Variants in TCEA2 observed in about 807,000 individuals in gnomAD.
The protein encoded by TCEA2 is transcription elongation factor A protein 2.
Under a neutral mutation model 40.8 loss-of-function variants are expected in TCEA2, and 21 were observed. That is an observed-to-expected ratio of 0.51 (90% confidence interval 0.36 to 0.74). TCEA2 has a LOEUF of 0.74. Ranked by LOEUF, TCEA2 falls within the 30% of genes least tolerant of loss-of-function variation. The pLI, the probability that TCEA2 is intolerant of heterozygous loss-of-function variation, is 0.00. For missense variants in TCEA2, 326 were observed against 426.5 expected, an observed-to-expected ratio of 0.76 and a Z score of 2.08; for synonymous variants, 165 against 162.7, an observed-to-expected ratio of 1.01 and a Z score of -0.11.
intron 6 of TCEA2, chr20:64,070,027 G>A: frequency 1.1e-6 from 1 of 878,212 alleles, no homozygotes; most frequent in Non-Finnish European, 1.8e-6. Flanking sequence ...CTGCTTGTGG[G>A]GCCTAGGTCC....
At chr20:64,062,052 A>G (rs907635113), upstream of TCEA2, among the ~76,000 whole-genome samples, 4 of 152,224 alleles carry the variant, frequency 2.6e-5, 1 homozygote, top group Admixed American at 1.3e-4. Context: ...TTAACTGACC[A>G]TATTTTCCTT....
intron 4 of TCEA2, among the ~76,000 whole-genome samples, chr20:64,068,552 T>C (rs1453051122): frequency 1.3e-5 from 2 of 152,244 alleles, no homozygotes; most frequent in African/African-American, 2.4e-5. Context: ...CCTCCTGCCC[T>C]GCATGTGCAC....
rs2059798246 is a variant in TCEA2, at chr20:64,070,253, C to T, written c.518-7C>T. ...TGTCCTCAGGTGGGTCCTTAAAACA[C>T]TTGCACGCATCTTCCGGGACGTTGG... On this transcript the variant is annotated splice_region_variant and splice_polypyrimidine_tract_variant and intron_variant, in intron 6 of 9. Transcript: ENST00000343484. The T allele has an allele frequency of 6.2e-7, 1 of 1,613,894 alleles. No individual in the cohort carries two copies. The highest frequency in any genetic ancestry group is 8.5e-7 in the Non-Finnish European group (1 of 1,179,912).
chr20:64,068,757 A>T (rs918900713), intron 4 of TCEA2, among the ~76,000 whole-genome samples: 2 of 152,256 alleles, frequency 1.3e-5, no homozygotes, highest in East Asian at 1.9e-4. Flanking sequence ...TGCTTCTGCC[A>T]ACTTCCACAG....
At chr20:64,059,060 G>A (rs935466389), upstream of TCEA2, among the ~76,000 whole-genome samples, 3 of 152,120 alleles carry the variant, frequency 2.0e-5, no homozygotes, top group African/African-American at 7.2e-5. Flanking sequence ...GGGTGTGGTG[G>A]CGCATGCCTG....
rs551294966 is a variant in TCEA2 at position 64,071,313 on chromosome 20, T to A, written c.820-557T>A. On this transcript the variant is annotated intron_variant, in intron 8 of 9. Transcript: ENST00000343484. ...CAGTGAGTCCAGATCGTGCCACTGC[T>A]CTCCAGCCTGGGCGACAGAGCGAGA... Among the ~76,000 whole-genome samples the A allele has an allele frequency of 7.4e-5, 11 of 148,344 alleles. No individual in the cohort carries two copies. In the South Asian group the frequency reaches 2.1e-3, roughly 29 times the overall value.
upstream of TCEA2, among the ~76,000 whole-genome samples, chr20:64,058,652 T>C (rs915970218): frequency 1.3e-4 from 20 of 152,240 alleles, no homozygotes; most frequent in African/African-American, 4.8e-4. The surrounding 1 kb of genome is among the most constrained non-coding windows in gnomAD (Gnocchi z 6.7). Context: ...CAGCCAGTTC[T>C]ACCAACACAC....
upstream of TCEA2, among the ~76,000 whole-genome samples, chr20:64,059,722 T>TTTC (rs2059527395): frequency 6.6e-6 from 1 of 152,112 alleles, no homozygotes; most frequent in African/African-American, 2.4e-5. Context: ...AGGTAATGCT[T>TTTC]TAAGAGTTAC....
At chr20:64,056,557 T>TC (rs58839607), upstream of TCEA2, among the ~76,000 whole-genome samples, 151,989 of 151,994 alleles carry the variant, frequency 1, 75,992 homozygotes, top group Middle Eastern at 1. Context: ...GGCTGCAGGA[T>TC]CCCCAGCCCC....
chr20:64,069,403 G>A lies in TCEA2; in HGVS notation c.372G>A (p.Arg124=), dbSNP rs748043302. Residue 124 remains arginine, a synonymous_variant, in exon 5 of 10, where the codon AGG becomes AGA. Coordinates refer to ENST00000343484, the MANE Select transcript of TCEA2 (RefSeq NM_003195.6). ...PELPRAPSTP[R]ITTFPPVPVT... ...TGCCCAGGGCACCGTCGACTCCGAG[G>A]ATCACCACATTTCCTCCGGTGCCTG... is the stretch of plus-strand genomic sequence containing the variant. 3.0e-5 allele frequency: 49 copies of A among 1,611,404 alleles called. No individual in the cohort carries two copies. In the African/African-American group the frequency reaches 6.4e-4, roughly 21 times the overall value.
chr20:64,064,868 G>C (rs1361553852), intron 1 of TCEA2, among the ~76,000 whole-genome samples: 3 of 150,056 alleles, frequency 2.0e-5, no homozygotes, highest in African/African-American at 7.3e-5. Flanking sequence ...CCCGAGAATG[G>C]AGTTGTTCCC....
At chr20:64,068,927 C>G (rs1007680924) in intron 4 of TCEA2, among the ~76,000 whole-genome samples, 5 of 152,262 alleles carry the variant, frequency 3.3e-5, no homozygotes, top group African/African-American at 7.2e-5. Flanking sequence ...TTGTCTCCCC[C>G]CAGACAGCTG....
chr20:64,066,845 G>C, intron 2 of TCEA2, 70 bp from the exon 3 acceptor site: 1 of 1,473,412 alleles, frequency 6.8e-7, no homozygotes, highest in South Asian at 1.2e-5. Context: ...GGCCACCAAG[G>C]CTCTGCCAGG....
At chr20:64,063,850 C>T in intron 1 of TCEA2, 1 of 163,284 alleles carries the variant, frequency 6.1e-6, no homozygotes, top group Non-Finnish European at 1.3e-5. Flanking sequence ...GGCCGAGCCC[C>T]GCCCCCCAAC....
In TCEA2 at chr20:64,072,173, TCTG is replaced by T; in HGVS notation, c.897_899del (p.Cys299del). On this transcript the variant is annotated inframe_deletion and splice_region_variant, in exon 10 of 10. Transcript: ENST00000343484. ...GAGGCCTCACCCCCTTTCTCGCAGT[TCTG>T]CTGACCCCTCGTGTAGATGTGCTGC... is the stretch of plus-strand genomic sequence containing the variant. 6.2e-7 allele frequency: 1 copy of T among 1,613,710 alleles called. No homozygotes were observed.
chr20:64,058,849 C>T (rs1444798206), upstream of TCEA2, among the ~76,000 whole-genome samples: 1 of 152,134 alleles, frequency 6.6e-6, no homozygotes, highest in African/African-American at 2.4e-5. The surrounding 1 kb of genome is among the most constrained non-coding windows in gnomAD (Gnocchi z 6.7). Context: ...GGTTCATGGC[C>T]TCGTTCATAA....
At position 64,066,850 on chromosome 20, in the gene TCEA2, G is replaced by A. The variant is rs2059705449; in HGVS notation, c.136-65G>A. 1.1e-5 allele frequency: 16 copies of A among 1,505,760 alleles called. No individual in the cohort carries two copies. The South Asian group carries it at 1.8e-4, about 16-fold the overall frequency. The allele number at this position is 1,505,760 out of a possible 1,614,324, so 93.3% of individuals were successfully genotyped here. On this transcript the variant is annotated intron_variant, in intron 2 of 9. Transcript: ENST00000343484. ...GTCCTGTGGGGGCCACCAAGGCTCT[G>A]CCAGGAGAATCTGACCCCTAGGGTG...
intron 4 of TCEA2, among the ~76,000 whole-genome samples, 200 bp from the exon 5 acceptor site, chr20:64,069,161 G>A (rs1285160827): frequency 1.3e-5 from 2 of 152,204 alleles, no homozygotes; most frequent in African/African-American, 4.8e-5. Flanking sequence ...TCTCCCTCCT[G>A]GCTGCTGGGC....
At chr20:64,071,440 C>G (rs1036301398) in intron 8 of TCEA2, among the ~76,000 whole-genome samples, 1 of 152,176 alleles carries the variant, frequency 6.6e-6, no homozygotes, top group Non-Finnish European at 1.5e-5. Flanking sequence ...CTTTCCTTCC[C>G]CTCGAAGGCT....
Sources: gnomAD v4.1 joint callset for allele counts (sites outside exome capture counted in the v4.1 genomes callset) on GRCh38, gnomAD v4.1.1 for gene constraint, Gnocchi (gnomAD v3.1) non-coding constraint, MANE v1.5 for transcripts, NCBI Gene and HGNC (gene_info 2026-07-23, HGNC 2026-07-21) for gene names.